The following TEK variants were observed in gnomAD, a reference collection of about 807,000 sequenced individuals.
TEK encodes angiopoietin-1 receptor.
In TEK, 43 loss-of-function variants were observed where a neutral mutation model predicts 131.8. That is an observed-to-expected ratio of 0.33 (90% confidence interval 0.26 to 0.42). TEK has a LOEUF of 0.42. Among genes scored for constraint, TEK ranks in the 10% least tolerant of loss-of-function variants. The probability of loss-of-function intolerance (pLI) is 1.00; values close to 1 mark genes in which losing one functional copy is unlikely to be tolerated. For synonymous variants in TEK, 580 were observed against 491.6 expected, an observed-to-expected ratio of 1.18 and a Z score of -2.38; for missense variants, 1,162 against 1,384.4, an observed-to-expected ratio of 0.84 and a Z score of 2.55.
At chr9:27,218,645 G>A (rs2131242366) in intron 19 of TEK, 132 bp from the exon 20 acceptor site, 1 of 861,376 alleles carries the variant, frequency 1.2e-6, no homozygotes, top group Non-Finnish European at 2.0e-6. Flanking sequence ...TGTGTGCAAG[G>A]GCCTATCCTA....
intron 21 of TEK, 133 bp downstream of exon 21, chr9:27,220,278 A>T: frequency 1.3e-6 from 1 of 753,582 alleles, no homozygotes; most frequent in South Asian, 1.5e-5. Flanking sequence ...CCAAATAGGA[A>T]CCCCTCCCCT....
chr9:27,136,082 G>GTTTTT (rs1335849233), intron 1 of TEK, among the ~76,000 whole-genome samples: 4 of 99,196 alleles, frequency 4.0e-5, no homozygotes, highest in East Asian at 2.0e-4. Context: ...TCCCAGGGCA[G>GTTTTT]TTATTTTTTT....
intron 1 of TEK, among the ~76,000 whole-genome samples, chr9:27,115,766 T>A (rs956459392): frequency 2.0e-5 from 3 of 152,142 alleles, no homozygotes; most frequent in Non-Finnish European, 4.4e-5. Context: ...GGGAGCAACC[T>A]ATACAAAGGG....
chr9:27,207,095 CA>C (rs1417646028), intron 15 of TEK, among the ~76,000 whole-genome samples: 1 of 152,168 alleles, frequency 6.6e-6, no homozygotes, highest in East Asian at 1.9e-4. Flanking sequence ...AGTGCTTCTC[CA>C]AATTGAGTGT....
chr9:27,213,869 C>T (rs1012108355), intron 18 of TEK, among the ~76,000 whole-genome samples: 1 of 152,162 alleles, frequency 6.6e-6, no homozygotes, highest in Non-Finnish European at 1.5e-5. Flanking sequence ...TGGTTCTATC[C>T]AGTCCAGACC....
In TEK at chr9:27,229,176, C is replaced by T; in HGVS notation, c.3319C>T (p.Leu1107Phe). The stretch of plus-strand genomic sequence containing the variant: ...CTTCCAGACCTACGTGAATACCACG[C>T]TTTATGAGAAGTTTACTTATGCAGG... ...EERKTYVNTT[L>F]YEKFTYAGID... is the part of the protein sequence containing the mutation. Residue 1107 changes from leucine to phenylalanine, a missense_variant, in exon 23 of 23, where the codon CTT (leucine) becomes TTT (phenylalanine). By Grantham distance (22) the Leu-to-Phe change is conservative. Around this residue, in one of 6 missense-constraint regions of TEK, gnomAD observed 84 missense variants for 80.3 expected, o/e 1.05. Transcript: ENST00000380036. 6.2e-7 allele frequency: 1 copy of T among 1,613,828 alleles called. No individual in the cohort carries two copies. Among genetic ancestry groups the T allele is most frequent in the East Asian group, 2.2e-5 (1 of 44,884 alleles).
chr9:27,125,741 A>G (rs995941768), intron 1 of TEK, among the ~76,000 whole-genome samples: 1 of 152,228 alleles, frequency 6.6e-6, no homozygotes, highest in Non-Finnish European at 1.5e-5. Flanking sequence ...AATGTTCAAT[A>G]TAATATTAAC....
At chr9:27,203,589 A>G (rs1256986609) in intron 13 of TEK, among the ~76,000 whole-genome samples, 2 of 152,158 alleles carry the variant, frequency 1.3e-5, no homozygotes, top group Admixed American at 6.5e-5. Context: ...ACCCCAGGAA[A>G]AGTATGTGAT....
intron 1 of TEK, among the ~76,000 whole-genome samples, chr9:27,146,828 C>G (rs927785207): frequency 1.3e-5 from 2 of 148,430 alleles, no homozygotes; most frequent in Admixed American, 1.4e-4. Context: ...CTCCCGGGTT[C>G]ACGCCATTCT....
chr9:27,195,339 T>C (rs113437662), intron 11 of TEK, among the ~76,000 whole-genome samples: 15 of 152,260 alleles, frequency 9.9e-5, no homozygotes, highest in African/African-American at 2.4e-4. Flanking sequence ...GAGCAGTGTT[T>C]CTCAACCTTT....
At chr9:27,163,936 A>G (rs1199460107) in intron 2 of TEK, among the ~76,000 whole-genome samples, 1 of 152,238 alleles carries the variant, frequency 6.6e-6, no homozygotes, top group Non-Finnish European at 1.5e-5. Context: ...GACCTTATGG[A>G]ATAAGGAATT....
intron 1 of TEK, among the ~76,000 whole-genome samples, chr9:27,132,085 CTTTTTTTTTT>C: frequency 7.4e-6 from 1 of 135,816 alleles, no homozygotes; most frequent in South Asian, 2.4e-4. Flanking sequence ...TATTTTTATT[CTTTTTTTTTT>C]TTTTTTTCTT....
rs1826000430 is a variant in TEK, at chr9:27,220,036, G to A, written c.3104-13G>A. On this transcript the variant is annotated splice_polypyrimidine_tract_variant and intron_variant, in intron 20 of 22. Coordinates refer to ENST00000380036, the MANE Select transcript of TEK (RefSeq NM_000459.5). Reference sequence around the variant, plus strand: ...GCCAGAGAGGACTTAGAGTGGCACTGTTTGTCTTCCAGGAGGCACACCCTA... The same window carrying A: ...GCCAGAGAGGACTTAGAGTGGCACTATTTGTCTTCCAGGAGGCACACCCTA... The A allele has an allele frequency of 6.2e-7, 1 of 1,613,738 alleles. No homozygotes were observed. The highest frequency in any genetic ancestry group is 1.3e-5 in the African/African-American group (1 of 74,886).
Position 27,217,187 on chromosome 9 carries a change from C to A in TEK, c.2992-501C>A, listed in dbSNP as rs115351112. ...ACACTGTTCCCCTTGTCCAGAGATGCTCTTTCCTCTCCCATCTACCTAATG... is the reference window on the plus strand; with the variant it reads ...ACACTGTTCCCCTTGTCCAGAGATGATCTTTCCTCTCCCATCTACCTAATG... On this transcript the variant is annotated intron_variant, in intron 18 of 22. Coordinates refer to ENST00000380036, the MANE Select transcript of TEK (RefSeq NM_000459.5). Among the ~76,000 whole-genome samples the A allele has an allele frequency of 6.6e-3, 1,002 of 152,262 alleles. 8 individuals are homozygous for A. Among genetic ancestry groups the A allele is most frequent in the African/African-American group, 0.023 (973 of 41,542 alleles).
At chr9:27,211,841 A>G in intron 16 of TEK, among the ~76,000 whole-genome samples, 1 of 139,470 alleles carries the variant, frequency 7.2e-6, no homozygotes. Flanking sequence ...AAAAACCAGT[A>G]AAATAACTTT....
rs1826474888 is a variant in TEK at position 27,229,418 on chromosome 9, A to G, written c.*186A>G. The stretch of plus-strand genomic sequence containing the variant: ...TGTAGTATGCTCTGACTCTAATAGG[A>G]CTGTATATACTGTTTTAAGAATGGG... On this transcript the variant is annotated 3_prime_UTR_variant, in exon 23 of 23. Coordinates refer to ENST00000380036, the MANE Select transcript of TEK (RefSeq NM_000459.5). 1 of 631,938 alleles carries G rather than the reference A, an allele frequency of 1.6e-6. No individual in the cohort carries two copies. The highest frequency in any genetic ancestry group is 2.5e-5 in the Admixed American group (1 of 40,482). 39.1% of individuals were successfully genotyped at this position (631,938 alleles called of 1,614,324 possible).
chr9:27,182,342 A>G (rs1824411791), intron 7 of TEK, among the ~76,000 whole-genome samples: 1 of 152,178 alleles, frequency 6.6e-6, no homozygotes, highest in Admixed American at 6.6e-5. Context: ...AAGGAAAGAA[A>G]TGCTTTAAAA....
chr9:27,182,969 A>G (rs909797079), intron 7 of TEK, among the ~76,000 whole-genome samples: 1 of 152,212 alleles, frequency 6.6e-6, no homozygotes, highest in Non-Finnish European at 1.5e-5. Context: ...AGACTTCCCA[A>G]TGAATGAGAC....
At chr9:27,215,560 GTT>G (rs58505932) in intron 18 of TEK, among the ~76,000 whole-genome samples, 3,304 of 141,904 alleles carry the variant, frequency 0.023, 87 homozygotes, top group African/African-American at 0.066. Flanking sequence ...CTGCATTAGG[GTT>G]TTTTTTTTTT....
Sources: gnomAD v4.1 joint callset for allele counts (sites outside exome capture counted in the v4.1 genomes callset) on GRCh38, gnomAD v4.1.1 for gene constraint, gnomAD v4.1.1 regional missense constraint, MANE v1.5 for transcripts, NCBI Gene and HGNC (gene_info 2026-07-23, HGNC 2026-07-21) for gene names.